ATP1B3: variants seen among roughly 807,000 people sequenced by gnomAD.
The protein encoded by ATP1B3 is ATPase Na+/K+ transporting subunit beta 3.
In ATP1B3, 10 loss-of-function variants were observed where a neutral mutation model predicts 30.2. The ratio of observed to expected loss-of-function variants is 0.33; its 90% CI spans 0.20 to 0.56. ATP1B3 has a LOEUF of 0.56. ATP1B3 is among the 20% of genes least tolerant of loss of function. The pLI is 0.90. For missense variants in ATP1B3, 238 were observed against 336.7 expected (o/e 0.71, Z 2.29); for synonymous variants, 113 against 117.0 (o/e 0.97, Z 0.22).
chr3:141,915,809 G>A (rs1934452370), intron 4 of ATP1B3, among the ~76,000 whole-genome samples, 161 bp from the exon 5 acceptor site: 1 of 152,088 alleles, frequency 6.6e-6, no homozygotes, highest in African/African-American at 2.4e-5. Context: ...TTATTTAAAA[G>A]TTCATTTTAA....
rs145780607 is a variant in ATP1B3 at position 141,915,548 on chromosome 3, A to G, written c.532-422A>G. Among the ~76,000 whole-genome samples the G allele has an allele frequency of 6.5e-4, 99 of 152,322 alleles. 2 individuals are homozygous for G. The East Asian group carries it at 0.017, about 26-fold the overall frequency. On this transcript the variant is annotated intron_variant, in intron 4 of 6. Transcript: ENST00000286371. ...TACAGTGAGGCTCAGTGGGGCCCTC[A>G]TGGAAACACGGAGAGTGTGACCTGA...
At position 141,876,907 on chromosome 3, in the gene ATP1B3, TG is replaced by T; in HGVS notation, c.109+1del. 1.3e-6 allele frequency: 2 copies of T among 1,566,110 alleles called. No individual in the cohort carries two copies. Among genetic ancestry groups the T allele is most frequent in the East Asian group, 2.6e-5 (1 of 38,868 alleles). Reference protein sequence around the residue: ...GEFLGRTAKSWGLILLFYLVF... With the variant: ...GEFLGRTAKSXGLILLFYLVF... ...ATTCCTGGGGCGCACCGCCAAGAGC[TG>T]GGGTGAGCGGGCAGCAGCTGGGCGT... On this transcript the variant is annotated frameshift_variant and splice_region_variant, in exon 1 of 7. Transcript: ENST00000286371. LOFTEE classifies it high-confidence loss of function.
At chr3:141,877,904 A>G (rs935857363) in intron 1 of ATP1B3, among the ~76,000 whole-genome samples, 2 of 145,064 alleles carry the variant, frequency 1.4e-5, no homozygotes, top group African/African-American at 5.2e-5. Flanking sequence ...ACATTTTGTT[A>G]GTGGGTCTTG....
At chr3:141,910,776 C>CT (rs1553745113) in intron 3 of ATP1B3, among the ~76,000 whole-genome samples, 1 of 10,602 alleles carries the variant, frequency 9.4e-5, no homozygotes, top group Non-Finnish European at 1.6e-4. Context: ...TCTTGCCCTG[C>CT]CCCCCCCTTT....
chr3:141,891,084 A>T (rs1163896754), intron 1 of ATP1B3, among the ~76,000 whole-genome samples: 2 of 152,002 alleles, frequency 1.3e-5, no homozygotes, highest in East Asian at 3.9e-4. Context: ...ACTTATCCCT[A>T]TATGTTGTAT....
intron 1 of ATP1B3, among the ~76,000 whole-genome samples, chr3:141,901,316 A>C (rs1266600070): frequency 1.3e-5 from 2 of 152,072 alleles, no homozygotes; most frequent in East Asian, 1.9e-4. Context: ...TGAGTAACTA[A>C]TTTAACTGCC....
At chr3:141,880,160 A>G (rs1360572059) in intron 1 of ATP1B3, among the ~76,000 whole-genome samples, 2 of 152,206 alleles carry the variant, frequency 1.3e-5, no homozygotes, top group Non-Finnish European at 2.9e-5. Context: ...TTTAAAAGGT[A>G]GTTTTGCTAT....
chr3:141,899,478 A>G (rs1934122847), intron 1 of ATP1B3, among the ~76,000 whole-genome samples: 1 of 152,210 alleles, frequency 6.6e-6, no homozygotes, highest in Non-Finnish European at 1.5e-5. Context: ...GTAAGATCAC[A>G]GGGTCTAGTC....
Position 141,913,539 on chromosome 3 carries a change from A to G in ATP1B3, c.347-113A>G, listed in dbSNP as rs1934404910. On this transcript the variant is annotated intron_variant, in intron 3 of 6. Transcript: ENST00000286371. ...ATTCTTTCCCTAAAGTTATCTGGTA[A>G]TTTACATTGCTGTTTTTGTCTTTGA... is the stretch of plus-strand genomic sequence containing the variant. 4.5e-6 allele frequency: 4 copies of G among 894,210 alleles called. No individual in the cohort carries two copies. In the South Asian group the frequency reaches 6.4e-5, roughly 14 times the overall value. 55.4% of individuals were successfully genotyped at this position (894,210 alleles called of 1,614,324 possible). A position where few individuals can be genotyped will look rare whatever the true frequency, so the allele number is the denominator to read the frequency against.
At chr3:141,877,375 G>A (rs1040548426) in intron 1 of ATP1B3, among the ~76,000 whole-genome samples, 2 of 152,182 alleles carry the variant, frequency 1.3e-5, no homozygotes, top group Non-Finnish European at 2.9e-5. Flanking sequence ...CTCCAGGGGA[G>A]AGGAAATTTC....
chr3:141,907,445 A>G (rs1238010597), intron 3 of ATP1B3, among the ~76,000 whole-genome samples, 171 bp downstream of exon 3: 1 of 151,618 alleles, frequency 6.6e-6, no homozygotes, highest in Non-Finnish European at 1.5e-5. Context: ...ACATGGTGAA[A>G]CCCCTGGCCA....
intron 3 of ATP1B3, among the ~76,000 whole-genome samples, chr3:141,909,539 G>A (rs1437772995): frequency 6.6e-6 from 1 of 152,236 alleles, no homozygotes; most frequent in Non-Finnish European, 1.5e-5. Context: ...GCTGAAGGAG[G>A]TGAAAGAACT....
At position 141,907,220 on chromosome 3, in the gene ATP1B3, T is replaced by G. The variant is rs1934278865; in HGVS notation, c.292T>G (p.Ser98Ala). Reference sequence around the variant, plus strand: ...CGCATTGGAATATACATTCAGTAGGTCTGATCCAACTTCGTATGCAGGGTA... The same window carrying G: ...CGCATTGGAATATACATTCAGTAGGGCTGATCCAACTTCGTATGCAGGGTA... ...VTALEYTFSR[S>A]DPTSYAGYIE... The change falls in exon 3 of 7, where the codon TCT becomes GCT. Residue 98 changes from serine to alanine, a missense_variant. Physicochemically the swap from Ser to Ala is moderately conservative, Grantham distance 99. Coordinates refer to ENST00000286371, the MANE Select transcript of ATP1B3 (RefSeq NM_001679.4). 1.2e-6 allele frequency: 2 copies of G among 1,612,882 alleles called. No individual in the cohort carries two copies. Among genetic ancestry groups the G allele is most frequent in the Admixed American group, 3.3e-5 (2 of 59,872 alleles).
chr3:141,919,454 C>T (rs1325255661), intron 5 of ATP1B3, among the ~76,000 whole-genome samples: 1 of 152,040 alleles, frequency 6.6e-6, no homozygotes, highest in Non-Finnish European at 1.5e-5. Flanking sequence ...AAAGATGATC[C>T]TGCAAAAGAT....
intron 3 of ATP1B3, among the ~76,000 whole-genome samples, chr3:141,912,990 T>G (rs1934392548): frequency 6.6e-6 from 1 of 152,212 alleles, no homozygotes; most frequent in Non-Finnish European, 1.5e-5. Context: ...GTTAATTTCC[T>G]AAGTATGTTC....
intron 1 of ATP1B3, among the ~76,000 whole-genome samples, chr3:141,884,229 T>C (rs565786273): frequency 5.3e-5 from 8 of 152,306 alleles, no homozygotes; most frequent in Admixed American, 3.9e-4. Flanking sequence ...CTAGCTCTTA[T>C]TTGTGACTTC....
chr3:141,894,750 T>A (rs1934027892), intron 1 of ATP1B3, among the ~76,000 whole-genome samples: 1 of 152,214 alleles, frequency 6.6e-6, no homozygotes, highest in African/African-American at 2.4e-5. Context: ...TGCCTTCTTC[T>A]GGATACCTCC....
chr3:141,890,962 T>G (rs1032498614), intron 1 of ATP1B3, among the ~76,000 whole-genome samples: 1 of 152,234 alleles, frequency 6.6e-6, no homozygotes, highest in Non-Finnish European at 1.5e-5. Flanking sequence ...TATGGACTCA[T>G]CTTTTTGTTC....
intron 6 of ATP1B3, among the ~76,000 whole-genome samples, chr3:141,924,478 G>A (rs959329482): frequency 2.6e-5 from 4 of 151,860 alleles, no homozygotes; most frequent in African/African-American, 9.7e-5. Flanking sequence ...GCAAAGCCCT[G>A]TCTCTACTAA....
Sources: allele counts gnomAD v4.1 joint callset (sites outside exome capture counted in the v4.1 genomes callset), GRCh38; gene constraint gnomAD v4.1.1; transcripts MANE v1.5; gene names NCBI Gene and HGNC (gene_info 2026-07-23, HGNC 2026-07-21).